Variants in RALGPS2 observed in about 807,000 individuals in gnomAD.
RALGPS2 encodes the protein Ral GEF with PH domain and SH3 binding motif 2.
A neutral mutation model predicts 86.8 loss-of-function variants in RALGPS2; 43 were observed. That is an observed-to-expected ratio of 0.50 (90% confidence interval 0.39 to 0.64). RALGPS2 has a LOEUF of 0.64. RALGPS2 is among the 30% of genes least tolerant of loss of function. The pLI is 0.00. For synonymous variants in RALGPS2, 243 were observed against 231.3 expected, an observed-to-expected ratio of 1.05 and a Z score of -0.46; for missense variants, 536 against 694.6, an observed-to-expected ratio of 0.77 and a Z score of 2.57.
chr1:178,760,942 C>T (rs1652206717), intron 1 of RALGPS2, among the ~76,000 whole-genome samples: 1 of 150,888 alleles, frequency 6.6e-6, no homozygotes. Context: ...TAGATTCGGT[C>T]AGTTTACATA....
intron 17 of RALGPS2, among the ~76,000 whole-genome samples, chr1:178,899,654 T>TTG (rs1558178071): frequency 9.0e-6 from 1 of 111,418 alleles, no homozygotes; most frequent in African/African-American, 4.6e-5. Context: ...TTGGTTTTGG[T>TTG]TTTTTTTTTT....
chr1:178,852,549 G>T, intron 8 of RALGPS2: 2 of 799,928 alleles, frequency 2.5e-6, no homozygotes, highest in Non-Finnish European at 3.8e-6. Flanking sequence ...CTTTCAGTAG[G>T]TTGGTTGTAT....
chr1:178,750,252 A>G, intron 1 of RALGPS2, among the ~76,000 whole-genome samples: 1 of 152,238 alleles, frequency 6.6e-6, no homozygotes, highest in South Asian at 2.1e-4. Flanking sequence ...TCTCTGTTGC[A>G]GCTATTCAGT....
At chr1:178,882,094 C>T (rs946773446) in intron 10 of RALGPS2, among the ~76,000 whole-genome samples, 1 of 152,114 alleles carries the variant, frequency 6.6e-6, no homozygotes, top group Non-Finnish European at 1.5e-5. Context: ...GGTGCTTTGA[C>T]GATGTTGTAA....
At chr1:178,732,646 A>G (rs1320606902) in intron 1 of RALGPS2, among the ~76,000 whole-genome samples, 5 of 151,994 alleles carry the variant, frequency 3.3e-5, no homozygotes. Flanking sequence ...ATCATTAATT[A>G]TAATGCCTTA....
chr1:178,876,567 T>C (rs868194943), intron 8 of RALGPS2, among the ~76,000 whole-genome samples: 11 of 152,248 alleles, frequency 7.2e-5, no homozygotes, highest in Middle Eastern at 6.8e-3. Flanking sequence ...ACATTTTAGG[T>C]ATAAGAAAAA....
At chr1:178,913,464 G>C (rs1660698338) in intron 19 of RALGPS2, among the ~76,000 whole-genome samples, 1 of 152,056 alleles carries the variant, frequency 6.6e-6, no homozygotes, top group South Asian at 2.1e-4. Context: ...TTGCTATTCA[G>C]ATTCTAAATC....
chr1:178,832,938 A>G (rs1301212042), intron 7 of RALGPS2, among the ~76,000 whole-genome samples: 2 of 152,078 alleles, frequency 1.3e-5, no homozygotes, highest in African/African-American at 2.4e-5. Context: ...CCAAAAATGT[A>G]AGGAATTAAA....
At chr1:178,795,696 G>A (rs995534650) in intron 4 of RALGPS2, among the ~76,000 whole-genome samples, 2 of 152,136 alleles carry the variant, frequency 1.3e-5, no homozygotes, top group Admixed American at 6.5e-5. Context: ...TACAGGTGTA[G>A]CCACCACACC....
chr1:178,746,879 TC>T (rs1236484860), intron 1 of RALGPS2: 10 of 1,183,104 alleles, frequency 8.5e-6, no homozygotes, highest in Non-Finnish European at 1.3e-5. Context: ...TGTCAGTTTT[TC>T]TTCTTCTAGA....
intron 1 of RALGPS2, among the ~76,000 whole-genome samples, chr1:178,754,585 C>T (rs1301507762): frequency 6.6e-6 from 1 of 152,206 alleles, no homozygotes; most frequent in African/African-American, 2.4e-5. Context: ...ATACCCTCAA[C>T]AGATGAGGTC....
At position 178,897,745 on chromosome 1, in the gene RALGPS2, G is replaced by A. The variant is rs560266005; in HGVS notation, c.1513G>A (p.Glu505Lys). 50 of 1,610,184 alleles carry A rather than the reference G, an allele frequency of 3.1e-5. No individual in the cohort carries two copies. The highest frequency in any genetic ancestry group is 6.7e-5 in the East Asian group (3 of 44,808). ...TGCTGCCAAATCTCTAAAGGCTACC[G>A]AAAGAAAACATGTAAGTATTTGTTC... ...YYAAKSLKAT[E>K]RKHFKSTSNK... Residue 505 changes from glutamate (E) to lysine (K), a missense_variant, in exon 17 of 20, where the codon GAA (glutamate) becomes AAA (lysine). This residue lies in a region of RALGPS2 where 309 missense variants were observed against 363.0 expected (regional missense o/e 0.85). Transcript: ENST00000367635.
At chr1:178,747,847 A>G in intron 1 of RALGPS2, 2 of 595,498 alleles carry the variant, frequency 3.4e-6, no homozygotes, top group Non-Finnish European at 3.0e-6. Context: ...TACATTAATC[A>G]TAATGTTAAT....
At chr1:178,763,254 G>T (rs1431646322) in intron 1 of RALGPS2, among the ~76,000 whole-genome samples, 1 of 152,170 alleles carries the variant, frequency 6.6e-6, no homozygotes, top group Admixed American at 6.6e-5. Context: ...TAGCCTTGTG[G>T]TATAGTTTGA....
chr1:178,887,735 A>T (rs1198737416), intron 13 of RALGPS2, among the ~76,000 whole-genome samples: 3 of 152,158 alleles, frequency 2.0e-5, no homozygotes, highest in Non-Finnish European at 2.9e-5. Context: ...TCCCCTTTTT[A>T]TATAAAAATA....
chr1:178,915,021 C>A lies in RALGPS2; in HGVS notation c.1723-1309C>A, dbSNP rs371616365. ...ATATACCAGCTTAAAGGTTCAATTT[C>A]TTTTACTGTATTAGTGAGTATTTCT... On this transcript the variant is annotated intron_variant, in intron 19 of 19. Transcript: ENST00000367635. Among the ~76,000 whole-genome samples, 186 of 152,050 alleles carry A rather than the reference C, an allele frequency of 1.2e-3. 1 individual carries two copies. In the Middle Eastern group the frequency reaches 0.024, roughly 19 times the overall value.
Position 178,861,364 on chromosome 1 carries a change from A to G in RALGPS2, c.608-16134A>G, listed in dbSNP as rs111337318. ...AAGTTTCACTGGGGATAGGTACACC[A>G]TGTTTTCATTAAAACAAAATGTGTT... On this transcript the variant is annotated intron_variant, in intron 8 of 19. Coordinates refer to ENST00000367635, the MANE Select transcript of RALGPS2 (RefSeq NM_152663.5). Among the ~76,000 whole-genome samples the G allele has an allele frequency of 1.3e-3, 195 of 152,228 alleles. 2 individuals are homozygous for G. The highest frequency in any genetic ancestry group is 4.3e-3 in the African/African-American group (179 of 41,538).
At chr1:178,897,810 A>G (rs1572462807) in intron 17 of RALGPS2, 54 bp downstream of exon 17, 7 of 1,505,324 alleles carry the variant, frequency 4.7e-6, no homozygotes, top group Non-Finnish European at 6.4e-6. Flanking sequence ...GTTCATGGTT[A>G]TAAAGAAAGC....
intron 4 of RALGPS2, among the ~76,000 whole-genome samples, chr1:178,786,605 G>C (rs1572331256): frequency 6.6e-6 from 1 of 151,082 alleles, no homozygotes; most frequent in East Asian, 1.9e-4. Context: ...ATTGTCTTTG[G>C]TACACAACTA....
Sources: gnomAD v4.1 joint callset for allele counts (sites outside exome capture counted in the v4.1 genomes callset) on GRCh38, gnomAD v4.1.1 for gene constraint, gnomAD v4.1.1 regional missense constraint, MANE v1.5 for transcripts, NCBI Gene and HGNC (gene_info 2026-07-23, HGNC 2026-07-21) for gene names.